PRKCE: variants seen among roughly 807,000 people sequenced by gnomAD.
PRKCE encodes the protein protein kinase C epsilon.
In PRKCE, 16 loss-of-function variants were observed where a neutral mutation model predicts 85.4. The ratio of observed to expected loss-of-function variants is 0.19; its 90% confidence interval spans 0.13 to 0.28. The LOEUF is 0.28. Ranked by LOEUF, PRKCE falls within the 10% of genes least tolerant of loss-of-function variation. The pLI, the probability that PRKCE is intolerant of heterozygous loss-of-function variation, is 1.00. For synonymous variants in PRKCE, 388 were observed against 371.5 expected, an observed-to-expected ratio of 1.04 and a Z score of -0.51; for missense variants, 573 against 975.2, an observed-to-expected ratio of 0.59 and a Z score of 5.49.
In PRKCE at chr2:45,790,985, C is replaced by T. The variant is rs776944315; in HGVS notation, c.349-52015C>T. The stretch of plus-strand genomic sequence containing the variant: ...AGGCCTCCCACAGAGGCCAGGCCAG[C>T]GTCTCCAGACCTTTGAAAAGGGAAC... On this transcript the variant is annotated intron_variant, in intron 1 of 14. Coordinates refer to ENST00000306156, the MANE Select transcript of PRKCE (RefSeq NM_005400.3). Among the ~76,000 whole-genome samples, 8 of 152,008 alleles carry T rather than the reference C, an allele frequency of 5.3e-5. No individual in the cohort carries two copies. The East Asian group carries it at 7.7e-4, about 15-fold the overall frequency.
rs1206832160 is a variant in PRKCE, at chr2:45,984,563, C to T, written c.706C>T (p.Arg236Trp). ...QETPDQVGSQ[R>W]FSVNMPHKFG... ...GCCATCCCTGCAGGTGGGCTCCCAGCGGTTCAGCGTCAACATGCCCCACAA... is the reference window on the plus strand; with the variant it reads ...GCCATCCCTGCAGGTGGGCTCCCAGTGGTTCAGCGTCAACATGCCCCACAA... Residue 236 changes from arginine to tryptophan, a missense_variant, in exon 6 of 15, where the codon CGG becomes TGG. Coordinates refer to ENST00000306156, the MANE Select transcript of PRKCE (RefSeq NM_005400.3). 1.9e-6 allele frequency: 3 copies of T among 1,599,474 alleles called. No individual in the cohort carries two copies. Among genetic ancestry groups the T allele is most frequent in the Non-Finnish European group, 1.7e-6 (2 of 1,179,838 alleles).
chr2:46,000,003 G>GCTGT (rs1704537327), intron 6 of PRKCE, among the ~76,000 whole-genome samples: 1 of 152,228 alleles, frequency 6.6e-6, no homozygotes, highest in African/African-American at 2.4e-5. Context: ...GTTCTTACAT[G>GCTGT]CTGTGTACAT....
intron 1 of PRKCE, among the ~76,000 whole-genome samples, chr2:45,833,580 T>G (rs1365168666): frequency 6.6e-6 from 1 of 152,174 alleles, no homozygotes; most frequent in East Asian, 1.9e-4. Flanking sequence ...ACTTGTAAGA[T>G]GAGGAAATCA....
intron 11 of PRKCE, among the ~76,000 whole-genome samples, chr2:46,102,034 A>C (rs1671288787): frequency 7.1e-6 from 1 of 140,334 alleles, no homozygotes; most frequent in Admixed American, 7.2e-5. Context: ...AGCTAGCTAC[A>C]GGTCCCGGCG....
At chr2:45,711,930 T>A (rs541930326) in intron 1 of PRKCE, among the ~76,000 whole-genome samples, 1 of 151,824 alleles carries the variant, frequency 6.6e-6, no homozygotes, top group Admixed American at 6.6e-5. Context: ...GCCTCCATTA[T>A]TATTAGTAAC....
intron 1 of PRKCE, among the ~76,000 whole-genome samples, chr2:45,713,158 G>T (rs148044068): frequency 1.9e-3 from 296 of 152,204 alleles, no homozygotes; most frequent in African/African-American, 6.8e-3. Context: ...TCACCTCGAG[G>T]CTCTTATAAA....
At chr2:45,691,014 A>G (rs1677683957) in intron 1 of PRKCE, among the ~76,000 whole-genome samples, 1 of 152,258 alleles carries the variant, frequency 6.6e-6, no homozygotes, top group Admixed American at 6.5e-5. Context: ...CCATCATGGG[A>G]AAAGCCTGAA....
At chr2:45,785,585 G>A (rs923947713) in intron 1 of PRKCE, among the ~76,000 whole-genome samples, 8 of 152,204 alleles carry the variant, frequency 5.3e-5, no homozygotes, top group Admixed American at 5.2e-4. Context: ...GAGAAACGCT[G>A]TAGAAGGGGA....
intron 10 of PRKCE, among the ~76,000 whole-genome samples, chr2:46,051,730 T>C (rs568500493): frequency 1.1e-4 from 16 of 152,236 alleles, no homozygotes; most frequent in South Asian, 2.1e-4. Context: ...AATGATGCTA[T>C]ATTAGTCTGT....
intron 6 of PRKCE, among the ~76,000 whole-genome samples, chr2:45,988,629 C>G (rs1033994960): frequency 6.6e-6 from 1 of 152,174 alleles, no homozygotes; most frequent in Non-Finnish European, 1.5e-5. Flanking sequence ...AATGCTGGCA[C>G]AAAGTGAGCA....
At chr2:46,014,658 ATGTGCTAGACAC>A (rs1404108835) in intron 10 of PRKCE, among the ~76,000 whole-genome samples, 2 of 152,202 alleles carry the variant, frequency 1.3e-5, no homozygotes, top group Non-Finnish European at 2.9e-5. Flanking sequence ...TTAAGCATCT[ATGTGCTAGACAC>A]TGTGCTAGAT....
intron 1 of PRKCE, among the ~76,000 whole-genome samples, chr2:45,832,620 C>G (rs1308392522): frequency 1.3e-5 from 2 of 152,064 alleles, no homozygotes; most frequent in Admixed American, 6.6e-5. Context: ...CAAGGAGCAA[C>G]TTTTTATCAT....
At chr2:46,038,312 A>T (rs1197069711) in intron 10 of PRKCE, among the ~76,000 whole-genome samples, 1 of 152,138 alleles carries the variant, frequency 6.6e-6, no homozygotes, top group Non-Finnish European at 1.5e-5. Context: ...TGGGGTGGGG[A>T]ATTTTTTGAG....
At chr2:46,036,422 C>A (rs1477982699) in intron 10 of PRKCE, among the ~76,000 whole-genome samples, 2 of 151,974 alleles carry the variant, frequency 1.3e-5, no homozygotes, top group Non-Finnish European at 2.9e-5. Context: ...CACACACACA[C>A]AAAATTAATT....
At chr2:45,997,344 T>A (rs1426280014) in intron 6 of PRKCE, among the ~76,000 whole-genome samples, 2 of 152,034 alleles carry the variant, frequency 1.3e-5, no homozygotes, top group African/African-American at 4.8e-5. Context: ...TTATTTCTTT[T>A]CTCCTGCTTA....
rs868133991 is a variant in PRKCE, at chr2:45,907,669, C to T, written c.412+64606C>T. Among the ~76,000 whole-genome samples, 4 of 152,168 alleles carry T rather than the reference C, an allele frequency of 2.6e-5. No individual in the cohort carries two copies. The highest frequency in any genetic ancestry group is 9.7e-5 in the African/African-American group (4 of 41,436). ...CTGTCCAGGGAGAAGGAGCATGAGC[C>T]CACATCTGCCGTGGCCACCTCTCCA... On this transcript the variant is annotated intron_variant, in intron 2 of 14. Coordinates refer to ENST00000306156, the MANE Select transcript of PRKCE (RefSeq NM_005400.3). The surrounding 1 kb of genome is among the most constrained non-coding windows in gnomAD (Gnocchi z 4.5).
intron 11 of PRKCE, among the ~76,000 whole-genome samples, chr2:46,102,902 C>T (rs377477530): frequency 1.8e-4 from 28 of 152,272 alleles, no homozygotes; most frequent in African/African-American, 6.5e-4. Flanking sequence ...CCAGGTTTCT[C>T]CACTGTAAAG....
chr2:46,021,888 G>C (rs1470867565), intron 10 of PRKCE, among the ~76,000 whole-genome samples: 1 of 152,136 alleles, frequency 6.6e-6, no homozygotes, highest in African/African-American at 2.4e-5. Flanking sequence ...TGGTCTGGTG[G>C]TGTTTTCTAC....
At chr2:46,141,746 C>G (rs1175018200) in intron 11 of PRKCE, among the ~76,000 whole-genome samples, 4 of 151,676 alleles carry the variant, frequency 2.6e-5, no homozygotes, top group Non-Finnish European at 5.9e-5. Context: ...GTACCCTGGC[C>G]TTGTATTTGA....
Sources: gnomAD v4.1 joint callset for allele counts (sites outside exome capture counted in the v4.1 genomes callset) on GRCh38, gnomAD v4.1.1 for gene constraint, Gnocchi (gnomAD v3.1) non-coding constraint, MANE v1.5 for transcripts, NCBI Gene and HGNC (gene_info 2026-07-23, HGNC 2026-07-21) for gene names.